Variants in NUP210L observed in about 807,000 individuals in gnomAD.
NUP210L encodes the protein nucleoporin 210 like.
In NUP210L, 74 loss-of-function variants were observed where a neutral mutation model predicts 208.5. The ratio of observed to expected loss-of-function variants is 0.35; its 90% confidence interval spans 0.29 to 0.43. The LOEUF is 0.43. Ranked by LOEUF, NUP210L falls within the 20% of genes least tolerant of loss-of-function variation. NUP210L has a pLI of 1.00. For synonymous variants in NUP210L, 780 were observed against 816.9 expected (o/e 0.95, Z 0.77); for missense variants, 1,843 against 2,289.4 (o/e 0.81, Z 3.98).
intron 10 of NUP210L, among the ~76,000 whole-genome samples, chr1:154,121,104 T>C (rs560100173): frequency 5.2e-4 from 79 of 152,232 alleles, no homozygotes; most frequent in African/African-American, 1.9e-3. Flanking sequence ...AACCATTTTC[T>C]TTCCCCACAC....
intron 16 of NUP210L, among the ~76,000 whole-genome samples, chr1:154,083,012 G>A (rs1046431510): frequency 3.3e-5 from 5 of 152,186 alleles, no homozygotes; most frequent in African/African-American, 9.6e-5. Context: ...GCAGACCTTC[G>A]TGGTGAGTGT....
intron 38 of NUP210L, 38 bp downstream of exon 38, chr1:153,995,038 C>G (rs1309688500): frequency 8.5e-7 from 1 of 1,178,022 alleles, no homozygotes; most frequent in East Asian, 2.5e-5. Flanking sequence ...AGGCAGTTTT[C>G]ATGTCAAAGT....
chr1:154,106,425 G>T (rs762030405), intron 12 of NUP210L, among the ~76,000 whole-genome samples: 1 of 152,188 alleles, frequency 6.6e-6, no homozygotes, highest in Admixed American at 6.5e-5. Flanking sequence ...CTGGGCTGGT[G>T]AGGAGCTTCC....
chr1:154,026,599 T>G (rs1651888975), intron 29 of NUP210L, among the ~76,000 whole-genome samples: 1 of 152,112 alleles, frequency 6.6e-6, no homozygotes. Context: ...CCACCTGCAT[T>G]GGCCTCCCAG....
chr1:154,102,786 T>TA (rs1656534414), intron 13 of NUP210L, among the ~76,000 whole-genome samples: 1 of 152,176 alleles, frequency 6.6e-6, no homozygotes, highest in African/African-American at 2.4e-5. Flanking sequence ...TAGAAAGAGA[T>TA]ATTTTATCCT....
chr1:154,114,142 CAAA>C (rs768988851), intron 12 of NUP210L, among the ~76,000 whole-genome samples: 2 of 120,230 alleles, frequency 1.7e-5, no homozygotes, highest in Non-Finnish European at 1.8e-5. Context: ...GACTCCATCT[CAAA>C]AAAAAAAAAA....
At chr1:153,992,917 C>T (rs1322206271) in exon 40 of NUP210L, 4 of 1,611,308 alleles carry the variant, frequency 2.5e-6, no homozygotes, top group Non-Finnish European at 3.4e-6. Context: ...AGGGGGAGAA[C>T]TTGTGGAGTT....
chr1:154,134,350 A>C (rs1310941929), intron 7 of NUP210L, among the ~76,000 whole-genome samples: 1 of 151,602 alleles, frequency 6.6e-6, no homozygotes, highest in Non-Finnish European at 1.5e-5. Context: ...AGTCCAAATC[A>C]TATTTCAATT....
chr1:154,096,057 T>C (rs1222746595), intron 14 of NUP210L, among the ~76,000 whole-genome samples: 1 of 152,192 alleles, frequency 6.6e-6, no homozygotes, highest in African/African-American at 2.4e-5. Flanking sequence ...CAACCCATCA[T>C]GTACGTTAGG....
intron 37 of NUP210L, 98 bp from the exon 38 acceptor site, chr1:153,995,278 C>G (rs1649773132): frequency 6.1e-6 from 5 of 823,642 alleles, no homozygotes; most frequent in East Asian, 2.7e-5. Context: ...CAGAGTTTTA[C>G]TCTCACTCTG....
chr1:153,995,692 A>G (rs1455175534), intron 37 of NUP210L: 23 of 1,160,522 alleles, frequency 2.0e-5, no homozygotes, highest in Middle Eastern at 2.8e-4. Context: ...TAACAAAACT[A>G]GGCTGTCCCA....
intron 35 of NUP210L, among the ~76,000 whole-genome samples, chr1:154,006,966 A>ATATATTTTT (rs1211789619): frequency 8.6e-6 from 1 of 115,810 alleles, no homozygotes; most frequent in African/African-American, 3.3e-5. Flanking sequence ...ATATATATAT[A>ATATATTTTT]TTTTTTTTTT....
At chr1:154,041,273 ACTT>A (rs1329744426) in intron 27 of NUP210L, among the ~76,000 whole-genome samples, 2 of 151,948 alleles carry the variant, frequency 1.3e-5, no homozygotes, top group Non-Finnish European at 2.9e-5. Context: ...CCTTTGCCCT[ACTT>A]CTCTCCTATC....
At chr1:154,096,736 A>G (rs1311351319) in intron 14 of NUP210L, among the ~76,000 whole-genome samples, 6 of 151,994 alleles carry the variant, frequency 3.9e-5, no homozygotes, top group Admixed American at 2.0e-4. Context: ...CTGGGCAACA[A>G]GATCAAAACT....
In NUP210L at chr1:154,024,932, T is replaced by TG. The variant is rs1241551758; in HGVS notation, c.4122+609_4122+610insC. On this transcript the variant is annotated intron_variant, in intron 30 of 39. Coordinates refer to ENST00000368559, the Ensembl canonical transcript of NUP210L. ...AATTTAGGCTGATCTGTTTTTTTTT[T>TG]TTTTTTTTTTTTTTTGAGATGGAGT... 4.3e-5 allele frequency among the ~76,000 whole-genome samples: 6 copies of TG among 140,252 alleles called. No homozygotes were observed. In the East Asian group the frequency reaches 6.2e-4, roughly 14 times the overall value. 92.0% of individuals were successfully genotyped at this position (140,252 alleles called of 152,430 possible). A position where few individuals can be genotyped will look rare whatever the true frequency, so the allele number is the denominator to read the frequency against.
intron 17 of NUP210L, among the ~76,000 whole-genome samples, chr1:154,066,647 C>A (rs1654433819): frequency 6.6e-6 from 1 of 152,056 alleles, no homozygotes; most frequent in Non-Finnish European, 1.5e-5. Context: ...TCAATGAATC[C>A]AGGAGCTGGT....
intron 25 of NUP210L, among the ~76,000 whole-genome samples, chr1:154,049,070 G>T (rs536309480): frequency 1.3e-5 from 2 of 152,258 alleles, no homozygotes; most frequent in African/African-American, 2.4e-5. Context: ...TTAAAGGTTT[G>T]GTAGATACAG....
rs147317908 is a variant in NUP210L, at chr1:154,149,836, T to A, written c.340+2900A>T. On this transcript the variant is annotated intron_variant, in intron 2 of 39. Coordinates refer to ENST00000368559, the Ensembl canonical transcript of NUP210L. ...AAGAGAATACAACTTTATTAAATAA[T>A]ATAACAGATATTTTTATTTACAGGT... is the stretch of plus-strand genomic sequence containing the variant. 2.6e-5 allele frequency among the ~76,000 whole-genome samples: 4 copies of A among 152,354 alleles called. No individual in the cohort carries two copies. In the East Asian group the frequency reaches 7.7e-4, roughly 29 times the overall value.
At chr1:154,064,438 C>T (rs1048452193) in intron 17 of NUP210L, among the ~76,000 whole-genome samples, 3 of 152,106 alleles carry the variant, frequency 2.0e-5, no homozygotes, top group Non-Finnish European at 4.4e-5. Context: ...TAGTCTCACT[C>T]GCCTTCTTAA....
Sources: allele counts gnomAD v4.1 joint callset (sites outside exome capture counted in the v4.1 genomes callset), GRCh38; gene constraint gnomAD v4.1.1; transcripts MANE v1.5; gene names NCBI Gene and HGNC (gene_info 2026-07-23, HGNC 2026-07-21).